TNS3: variants seen among roughly 807,000 people sequenced by gnomAD.
TNS3 encodes tensin 3, also known as tensin-3.
TNS3 carries 45 observed loss-of-function variants against 140.9 expected under a neutral mutation model. That is an observed-to-expected ratio of 0.32 (90% CI 0.25 to 0.41). The LOEUF is 0.41. Among genes scored for constraint, TNS3 ranks in the 10% least tolerant of loss-of-function variants. The pLI, the probability that TNS3 is intolerant of heterozygous loss-of-function variation, is 1.00. For missense variants in TNS3, 1,716 were observed against 1,906.7 expected (o/e 0.90, Z 1.86); for synonymous variants, 815 against 788.4 (o/e 1.03, Z -0.56).
chr7:47,464,597 T>A (rs1584717722), intron 4 of TNS3, among the ~76,000 whole-genome samples: 1 of 152,272 alleles, frequency 6.6e-6, no homozygotes, highest in South Asian at 2.1e-4. Flanking sequence ...AGGGACCCTA[T>A]CCCAGAATTT....
At chr7:47,505,373 G>A (rs978229974) in intron 3 of TNS3, among the ~76,000 whole-genome samples, 2 of 152,188 alleles carry the variant, frequency 1.3e-5, no homozygotes, top group Admixed American at 6.5e-5. Context: ...AATAAACCAC[G>A]GTCAGAAATC....
intron 30 of TNS3, 156 bp downstream of exon 30, chr7:47,280,008 T>C: frequency 2.3e-6 from 2 of 857,734 alleles, no homozygotes; most frequent in Non-Finnish European, 3.6e-6. Flanking sequence ...TCCTTGTCCA[T>C]AATGAGAACA....
At chr7:47,537,144 C>T (rs986197499) in intron 1 of TNS3, among the ~76,000 whole-genome samples, 2 of 151,964 alleles carry the variant, frequency 1.3e-5, no homozygotes. Flanking sequence ...CGGGCTCGGC[C>T]GGGCGAGGGT....
intron 1 of TNS3, among the ~76,000 whole-genome samples, chr7:47,570,604 C>A (rs1455820863): frequency 4.6e-5 from 7 of 152,224 alleles, no homozygotes; most frequent in Admixed American, 4.6e-4. Context: ...AATGTGCCGG[C>A]ATTTCCCTCT....
In TNS3 at chr7:47,275,990, G is replaced by A; in HGVS notation, c.*2086C>T. ...ATCAGAAGGATAAGGAACCTGGCCT[G>A]CACTCTTTGGGTTAAACATGGGTAG... On this transcript the variant is annotated 3_prime_UTR_variant, in exon 31 of 31. Coordinates refer to ENST00000311160, the MANE Select transcript of TNS3 (RefSeq NM_022748.12). 1 of 393,996 alleles carries A rather than the reference G, an allele frequency of 2.5e-6. No homozygotes were observed. 24.4% of individuals were successfully genotyped at this position (393,996 alleles called of 1,614,324 possible).
Position 47,368,660 on chromosome 7 carries a change from G to T in TNS3, c.1986C>A (p.Ser662Arg). 1 of 1,601,132 alleles carries T rather than the reference G, an allele frequency of 6.2e-7. No homozygotes were observed. Among genetic ancestry groups the T allele is most frequent in the South Asian group, 1.1e-5 (1 of 88,288 alleles). The change falls in exon 17 of 31, where the codon AGC becomes AGA. Residue 662 changes from serine (S) to arginine (R), a missense_variant. Coordinates refer to ENST00000311160, the MANE Select transcript of TNS3 (RefSeq NM_022748.12). ...CTGGAAACCTGGGTTTGAACGCTTT[G>T]CTGGGAGAGGGCTGCTGTGTGTCAG... Reference protein sequence around the residue: ...HPPDTQQPSPSKAFKPRFPGD... With the variant: ...HPPDTQQPSPRKAFKPRFPGD...
chr7:47,292,010 T>C lies in TNS3; in HGVS notation c.3873A>G (p.Glu1291=). 6.2e-7 allele frequency: 1 copy of C among 1,614,172 alleles called. No individual in the cohort carries two copies. Among genetic ancestry groups the C allele is most frequent in the Non-Finnish European group, 8.5e-7 (1 of 1,180,018 alleles). Reference sequence around the variant, plus strand: ...AATTGGCTGCCGTCTGGGGAGAACTTTCTGCTATTTCCTCCAATGGATCTG... The same window carrying C: ...AATTGGCTGCCGTCTGGGGAGAACTCTCTGCTATTTCCTCCAATGGATCTG... The part of the protein sequence containing the change: ...PERDPLEEIA[E]SSPQTAANSA... Residue 1291 remains glutamate (E), a synonymous_variant, in exon 27 of 31, where the codon GAA becomes GAG. Coordinates refer to ENST00000311160, the MANE Select transcript of TNS3 (RefSeq NM_022748.12).
chr7:47,552,640 C>T (rs4724588), intron 1 of TNS3, among the ~76,000 whole-genome samples: 1 of 151,988 alleles, frequency 6.6e-6, no homozygotes, highest in Non-Finnish European at 1.5e-5. Context: ...TATAAGACTG[C>T]GAACTCAATG....
rs145115011 is a variant in TNS3 at position 47,506,261 on chromosome 7, G to A, written c.-115+646C>T. Among the ~76,000 whole-genome samples the A allele has an allele frequency of 8.1e-3, 1,231 of 152,230 alleles. 21 individuals carry two copies. Among genetic ancestry groups the A allele is most frequent in the African/African-American group, 0.028 (1,167 of 41,514 alleles). On this transcript the variant is annotated intron_variant, in intron 3 of 30. Transcript: ENST00000311160. ...CTGAAGGTGCGAGCACCAAGACAAC[G>A]TAGAAAACCATGTGCTTCTTCCTTG...
chr7:47,375,440 G>A (rs907705345), intron 16 of TNS3, among the ~76,000 whole-genome samples: 1 of 152,150 alleles, frequency 6.6e-6, no homozygotes, highest in Non-Finnish European at 1.5e-5. Flanking sequence ...GAGGTTTATC[G>A]CCTGGAAAAG....
In TNS3 at chr7:47,355,871, T is replaced by A. The variant is rs547319611; in HGVS notation, c.2282-9515A>T. Reference sequence around the variant, plus strand: ...CCTGAGGCTCTGCTGGGAAGTGGGATGAGGGAGGGGAAGGAAGATGGGTCA... The same window carrying A: ...CCTGAGGCTCTGCTGGGAAGTGGGAAGAGGGAGGGGAAGGAAGATGGGTCA... On this transcript the variant is annotated intron_variant, in intron 17 of 30. Transcript: ENST00000311160. Among the ~76,000 whole-genome samples, 134 of 152,038 alleles carry A rather than the reference T, an allele frequency of 8.8e-4. 1 individual carries two copies. The highest frequency in any genetic ancestry group is 3.1e-3 in the African/African-American group (129 of 41,474).
intron 3 of TNS3, among the ~76,000 whole-genome samples, chr7:47,495,845 C>T (rs1202401635): frequency 6.6e-6 from 1 of 152,224 alleles, no homozygotes; most frequent in Non-Finnish European, 1.5e-5. Flanking sequence ...TCTGCAGCTC[C>T]CCAACTGCAG....
Position 47,435,190 on chromosome 7 carries a change from G to A in TNS3, c.324+92C>T, listed in dbSNP as rs185596941. ...GGAGCACATCGCACCAGCTCAAAGCGGAAATGTGCTCAGATGCAGCATTGG... is the reference window on the plus strand; with the variant it reads ...GGAGCACATCGCACCAGCTCAAAGCAGAAATGTGCTCAGATGCAGCATTGG... On this transcript the variant is annotated intron_variant, in intron 8 of 30. Transcript: ENST00000311160. 2.7e-4 allele frequency: 421 copies of A among 1,539,610 alleles called. 5 individuals are homozygous for A. The highest frequency in any genetic ancestry group is 2.2e-3 in the South Asian group (185 of 84,682).
At position 47,280,141 on chromosome 7, in the gene TNS3, G is replaced by A. The variant is rs374799070; in HGVS notation, c.4193+23C>T. 5.0e-6 allele frequency: 8 copies of A among 1,613,810 alleles called. No homozygotes were observed. The African/African-American group carries it at 1.1e-4, about 22-fold the overall frequency. On this transcript the variant is annotated intron_variant, in intron 30 of 30. Transcript: ENST00000311160. Reference sequence around the variant, plus strand: ...GTACAACTGCAGACAAGGAGAGAATGTAAAGAAATCTCAGCAACTTACTTT... The same window carrying A: ...GTACAACTGCAGACAAGGAGAGAATATAAAGAAATCTCAGCAACTTACTTT...
chr7:47,528,369 C>A (rs917275645), intron 2 of TNS3, among the ~76,000 whole-genome samples: 2 of 152,142 alleles, frequency 1.3e-5, no homozygotes, highest in African/African-American at 4.8e-5. Context: ...TGCACATTTT[C>A]TAGAGGAAAT....
chr7:47,346,329 C>A lies in TNS3; in HGVS notation c.2309G>T (p.Gly770Val). The A allele has an allele frequency of 6.2e-7, 1 of 1,614,200 alleles. No individual in the cohort carries two copies. The highest frequency in any genetic ancestry group is 2.2e-5 in the East Asian group (1 of 44,884). ...QGSSAEQPLG[G>V]RLRKLSLGQY... ...CCCCAGGCTCAGCTTCCTGAGTCTC[C>A]CGCCCAGGGGCTGTTCAGCAGAGGA... The change falls in exon 18 of 31, where the codon GGG (glycine) becomes GTG (valine). Residue 770 changes from glycine to valine, a missense_variant. By Grantham distance (109) the Gly-to-Val change is moderately radical (BLOSUM62 -3). This residue lies in a region of TNS3 where 1,163 missense variants were observed against 1,182.1 expected (regional missense o/e 0.98). Coordinates refer to ENST00000311160, the MANE Select transcript of TNS3 (RefSeq NM_022748.12).
At chr7:47,341,082 A>T (rs920453165) in intron 20 of TNS3, among the ~76,000 whole-genome samples, 1 of 152,184 alleles carries the variant, frequency 6.6e-6, no homozygotes, top group Non-Finnish European at 1.5e-5. Context: ...CTTGCATCTC[A>T]GAATATGTCC....
intron 1 of TNS3, among the ~76,000 whole-genome samples, chr7:47,566,119 T>A (rs1584862411): frequency 6.6e-6 from 1 of 152,146 alleles, no homozygotes; most frequent in South Asian, 2.1e-4. Context: ...CTGTCTGGGG[T>A]GGAACCCAGA....
At chr7:47,305,622 C>T (rs987363507) in intron 20 of TNS3, among the ~76,000 whole-genome samples, 2 of 152,258 alleles carry the variant, frequency 1.3e-5, no homozygotes, top group Non-Finnish European at 2.9e-5. Context: ...AAGGCCACAC[C>T]GTGGGGTGCA....
Sources: allele counts gnomAD v4.1 joint callset (sites outside exome capture counted in the v4.1 genomes callset), GRCh38; gene constraint gnomAD v4.1.1; regional missense constraint gnomAD v4.1.1; transcripts MANE v1.5; gene names NCBI Gene and HGNC (gene_info 2026-07-23, HGNC 2026-07-21).